The following LRMDA variants were observed in gnomAD, a reference collection of about 807,000 sequenced individuals.
LRMDA encodes the protein leucine-rich melanocyte differentiation-associated protein.
Under a neutral mutation model 29.8 loss-of-function variants are expected in LRMDA, and 18 were observed. The ratio of observed to expected loss-of-function variants is 0.60; its 90% CI spans 0.42 to 0.90. The LOEUF (loss-of-function observed/expected upper bound fraction) is 0.90. Among genes scored for constraint, LRMDA ranks in the 40% least tolerant of loss-of-function variants. The pLI, the probability that LRMDA is intolerant of heterozygous loss-of-function variation, is 0.00. For missense variants in LRMDA, 273 were observed against 273.9 expected (o/e 1.00, Z 0.02); for synonymous variants, 125 against 109.4 (o/e 1.14, Z -0.89).
chr10:76,205,537 A>G (rs915032770), intron 5 of LRMDA, among the ~76,000 whole-genome samples: 1 of 152,210 alleles, frequency 6.6e-6, no homozygotes, highest in East Asian at 1.9e-4. Flanking sequence ...AAATTGGGAA[A>G]TTTGGGTCAG....
In LRMDA at chr10:76,068,458, T is replaced by A. The variant is rs867050780; in HGVS notation, c.516+9675T>A. 7.2e-5 allele frequency among the ~76,000 whole-genome samples: 11 copies of A among 152,256 alleles called. No individual in the cohort carries two copies. In the South Asian group the frequency reaches 8.3e-4, roughly 11 times the overall value. On this transcript the variant is annotated intron_variant, in intron 5 of 6. Transcript: ENST00000611255. Reference sequence around the variant, plus strand: ...GGGGATGATTTCTGGATGAAACTGCTCCACCTCAGATCATCAGGCATTAGA... The same window carrying A: ...GGGGATGATTTCTGGATGAAACTGCACCACCTCAGATCATCAGGCATTAGA...
At chr10:76,484,484 T>A (rs1842762614) in intron 6 of LRMDA, among the ~76,000 whole-genome samples, 1 of 151,866 alleles carries the variant, frequency 6.6e-6, no homozygotes, top group African/African-American at 2.4e-5. Context: ...GATTTTCTCC[T>A]TTGGTGCTTG....
intron 5 of LRMDA, among the ~76,000 whole-genome samples, chr10:76,134,932 T>C (rs1269224739): frequency 6.6e-6 from 1 of 152,142 alleles, no homozygotes; most frequent in Non-Finnish European, 1.5e-5. Flanking sequence ...CATAAGAGAA[T>C]TATGAAATGG....
chr10:75,844,944 T>C (rs2132304525), intron 2 of LRMDA, among the ~76,000 whole-genome samples: 1 of 152,346 alleles, frequency 6.6e-6, no homozygotes, highest in East Asian at 1.9e-4. Flanking sequence ...TGCAAATTTA[T>C]TTGTTCCTTC....
intron 2 of LRMDA, among the ~76,000 whole-genome samples, chr10:75,571,850 T>G (rs926106232): frequency 1.3e-5 from 2 of 152,208 alleles, no homozygotes; most frequent in African/African-American, 4.8e-5. Flanking sequence ...TCCCCAGCAC[T>G]GAGTTTTGAG....
intron 6 of LRMDA, among the ~76,000 whole-genome samples, chr10:76,526,881 G>C (rs1282583170): frequency 2.0e-5 from 3 of 149,954 alleles, no homozygotes; most frequent in South Asian, 2.1e-4. Context: ...CCTAATGCTA[G>C]ATGACGAGTT....
intron 2 of LRMDA, among the ~76,000 whole-genome samples, chr10:75,469,311 G>A (rs1458217825): frequency 6.6e-6 from 1 of 150,450 alleles, no homozygotes; most frequent in Non-Finnish European, 1.5e-5. Flanking sequence ...GAGTCACTGG[G>A]GGAGCATCAC....
chr10:76,064,790 T>A (rs1300771935), intron 5 of LRMDA, among the ~76,000 whole-genome samples: 1 of 152,254 alleles, frequency 6.6e-6, no homozygotes, highest in Non-Finnish European at 1.5e-5. Flanking sequence ...AAATCACAAG[T>A]ACATTCAGTT....
chr10:76,547,776 C>T (rs1843439804), intron 6 of LRMDA, among the ~76,000 whole-genome samples: 1 of 152,128 alleles, frequency 6.6e-6, no homozygotes, highest in South Asian at 2.1e-4. Context: ...GTTGATGTGA[C>T]ATCCATCACG....
At chr10:75,488,937 A>G (rs529354430) in intron 2 of LRMDA, among the ~76,000 whole-genome samples, 2 of 152,250 alleles carry the variant, frequency 1.3e-5, no homozygotes, top group Non-Finnish European at 2.9e-5. Flanking sequence ...GTGGGAACCA[A>G]CTGAAATTGG....
At chr10:76,128,769 C>T (rs979067672) in intron 5 of LRMDA, among the ~76,000 whole-genome samples, 8 of 152,182 alleles carry the variant, frequency 5.3e-5, no homozygotes, top group African/African-American at 1.7e-4. Flanking sequence ...TTTTGGTTGA[C>T]ACAATTCCCC....
intron 5 of LRMDA, among the ~76,000 whole-genome samples, chr10:76,292,329 G>C (rs1339005715): frequency 6.6e-6 from 1 of 152,186 alleles, no homozygotes; most frequent in Non-Finnish European, 1.5e-5. Flanking sequence ...AGAGCCATCA[G>C]ATCACTTGCA....
intron 5 of LRMDA, among the ~76,000 whole-genome samples, chr10:76,059,894 T>A (rs1032101762): frequency 6.6e-6 from 1 of 152,224 alleles, no homozygotes; most frequent in Non-Finnish European, 1.5e-5. Flanking sequence ...GGTATATTAC[T>A]GGCAGATAAA....
intron 2 of LRMDA, among the ~76,000 whole-genome samples, chr10:75,713,654 A>C (rs924167625): frequency 1.2e-4 from 19 of 152,372 alleles, no homozygotes; most frequent in African/African-American, 4.6e-4. Context: ...TGAGCCACAG[A>C]CTTTTTAATA....
At chr10:75,859,648 T>G in intron 2 of LRMDA, among the ~76,000 whole-genome samples, 1 of 95,606 alleles carries the variant, frequency 1.0e-5, no homozygotes, top group South Asian at 3.0e-4. Context: ...CACACACACA[T>G]ACATCTGGCC....
At chr10:76,223,357 C>A (rs893734867) in intron 5 of LRMDA, among the ~76,000 whole-genome samples, 4 of 152,046 alleles carry the variant, frequency 2.6e-5, no homozygotes, top group African/African-American at 9.7e-5. Context: ...ATTACCTGGT[C>A]CAGCCATTTC....
intron 6 of LRMDA, among the ~76,000 whole-genome samples, chr10:76,550,002 A>T (rs1843474324): frequency 6.6e-6 from 1 of 152,256 alleles, no homozygotes; most frequent in African/African-American, 2.4e-5. Context: ...TGTAAAAATA[A>T]ATGACTCTAA....
intron 2 of LRMDA, among the ~76,000 whole-genome samples, chr10:75,843,024 A>G (rs186223614): frequency 9.1e-4 from 138 of 152,326 alleles, no homozygotes; most frequent in African/African-American, 3.2e-3. Flanking sequence ...TTATCTCTAA[A>G]ATACGTAAGT....
intron 6 of LRMDA, among the ~76,000 whole-genome samples, chr10:76,516,622 T>C (rs1274537341): frequency 6.6e-6 from 1 of 152,160 alleles, no homozygotes; most frequent in Non-Finnish European, 1.5e-5. Flanking sequence ...GATAGTTTGC[T>C]GAGAATGATG....
Sources: allele counts gnomAD v4.1 joint callset (sites outside exome capture counted in the v4.1 genomes callset), GRCh38; gene constraint gnomAD v4.1.1; transcripts MANE v1.5; gene names NCBI Gene and HGNC (gene_info 2026-07-23, HGNC 2026-07-21).